The following NETO1 variants were observed in gnomAD, a reference collection of about 807,000 sequenced individuals.
The protein encoded by NETO1 is neuropilin and tolloid like 1.
In NETO1, 26 loss-of-function variants were observed where a neutral mutation model predicts 61.3. The observed-to-expected ratio is 0.42, with a 90% confidence interval of 0.31 to 0.59. The LOEUF (loss-of-function observed/expected upper bound fraction) is 0.59. Ranked by LOEUF, NETO1 falls within the 20% of genes least tolerant of loss-of-function variation. The pLI is 0.12. For missense variants in NETO1, 531 were observed against 662.8 expected, an observed-to-expected ratio of 0.80 and a Z score of 2.18; for synonymous variants, 225 against 225.8, an observed-to-expected ratio of 1.00 and a Z score of 0.03.
intron 4 of NETO1, among the ~76,000 whole-genome samples, chr18:72,844,087 G>A (rs4891489): frequency 0.39 from 59,249 of 151,906 alleles, 11,890 homozygotes; most frequent in South Asian, 0.44. Context: ...CTCTTGAAAC[G>A]TCTTTAAAAG....
chr18:72,765,263 G>C (rs1272469017), intron 7 of NETO1, among the ~76,000 whole-genome samples: 2 of 152,066 alleles, frequency 1.3e-5, no homozygotes, highest in Admixed American at 1.3e-4. Flanking sequence ...CACCCATGTT[G>C]GTTTTCCCAC....
chr18:72,750,837 C>T (rs1048484901), intron 8 of NETO1, among the ~76,000 whole-genome samples: 3 of 148,200 alleles, frequency 2.0e-5, no homozygotes, highest in East Asian at 4.0e-4. Flanking sequence ...TAAAAATAGC[C>T]CTCCCTCCCC....
At position 72,867,279 on chromosome 18, in the gene NETO1, G is replaced by T; in HGVS notation, c.13C>A (p.Arg5Ser). Residue 5 changes from arginine (R) to serine (S), a missense_variant, in exon 1 of 11, where the codon CGC (arginine) becomes AGC (serine). Coordinates refer to ENST00000327305, the MANE Select transcript of NETO1 (RefSeq NM_138966.5). ...GGGTACTCACTGTGAAGCACGCTGC[G>T]CCCATGGATCATGTCTGTGCGTTAC... MIHG[R>S]SVLHIVASLI... 1 of 1,571,164 alleles carries T rather than the reference G, an allele frequency of 6.4e-7. No individual in the cohort carries two copies. Among genetic ancestry groups the T allele is most frequent in the East Asian group, 2.4e-5 (1 of 41,156 alleles).
chr18:72,762,233 T>C (rs1470865323), intron 7 of NETO1, among the ~76,000 whole-genome samples: 1 of 151,802 alleles, frequency 6.6e-6, no homozygotes, highest in Non-Finnish European at 1.5e-5. Flanking sequence ...CGATCTCCAC[T>C]CACCGCGACC....
At chr18:72,820,335 G>A (rs2062314) in intron 4 of NETO1, among the ~76,000 whole-genome samples, 148,258 of 152,354 alleles carry the variant, frequency 0.97, 72,150 homozygotes, top group East Asian at 1. Context: ...GCAATTAAAC[G>A]AAGAGATTCA....
intron 4 of NETO1, among the ~76,000 whole-genome samples, chr18:72,844,748 G>A (rs2074034014): frequency 6.6e-6 from 1 of 152,206 alleles, no homozygotes; most frequent in South Asian, 2.1e-4. Flanking sequence ...GAAATTTAAA[G>A]ATGTAAACCG....
At chr18:72,866,493 TTCAGCA>T (rs1356696181) in intron 1 of NETO1, among the ~76,000 whole-genome samples, 11 of 152,068 alleles carry the variant, frequency 7.2e-5, no homozygotes, top group South Asian at 2.1e-4. Context: ...ATGCACATCC[TTCAGCA>T]TCAGGATGTG....
chr18:72,755,445 C>A (rs2070751555), intron 8 of NETO1, among the ~76,000 whole-genome samples: 1 of 152,014 alleles, frequency 6.6e-6, no homozygotes, highest in African/African-American at 2.4e-5. Context: ...TTCATCTTAA[C>A]TAAAACATGC....
At chr18:72,837,721 A>C (rs1271206624) in intron 4 of NETO1, among the ~76,000 whole-genome samples, 2 of 152,204 alleles carry the variant, frequency 1.3e-5, no homozygotes, top group Non-Finnish European at 2.9e-5. Context: ...TGCTCTGGCT[A>C]ATGTAGAATT....
chr18:72,862,964 A>T (rs1024887482), intron 3 of NETO1, among the ~76,000 whole-genome samples: 1 of 151,972 alleles, frequency 6.6e-6, no homozygotes, highest in South Asian at 2.1e-4. Flanking sequence ...GTACTCCATC[A>T]CTGATGCCGC....
rs188169914 is a variant in NETO1, at chr18:72,774,097, A to G, written c.868+9581T>C. The stretch of plus-strand genomic sequence containing the variant: ...TGGACAATTTGTTTTTTCCTCTTCT[A>G]TTTTATATGTCTGTTTTTAACAGAA... On this transcript the variant is annotated intron_variant, in intron 7 of 10. Transcript: ENST00000327305. Among the ~76,000 whole-genome samples, 861 of 152,226 alleles carry G rather than the reference A, an allele frequency of 5.7e-3. 7 individuals carry two copies. The highest frequency in any genetic ancestry group is 0.02 in the African/African-American group (828 of 41,538).
At chr18:72,779,389 C>T (rs72966356) in intron 7 of NETO1, among the ~76,000 whole-genome samples, 3,529 of 151,756 alleles carry the variant, frequency 0.023, 36 homozygotes, top group Non-Finnish European at 0.029. Flanking sequence ...TAACTATCAC[C>T]CTCTACAAGA....
chr18:72,803,019 G>A (rs1180506349), intron 4 of NETO1, among the ~76,000 whole-genome samples: 1 of 152,106 alleles, frequency 6.6e-6, no homozygotes, highest in African/African-American at 2.4e-5. Context: ...TTCTCATGGA[G>A]CATCATTTCT....
At chr18:72,778,514 A>G (rs2071632946) in intron 7 of NETO1, among the ~76,000 whole-genome samples, 1 of 152,154 alleles carries the variant, frequency 6.6e-6, no homozygotes, top group Non-Finnish European at 1.5e-5. Context: ...TTTTCTCAGC[A>G]AAATATCCAA....
intron 7 of NETO1, among the ~76,000 whole-genome samples, chr18:72,772,713 T>C (rs1468354647): frequency 6.7e-6 from 1 of 149,182 alleles, no homozygotes; most frequent in Non-Finnish European, 1.5e-5. Context: ...ATATATGATA[T>C]ACACGTGTGT....
At chr18:72,793,849 A>C (rs1057089914) in intron 6 of NETO1, among the ~76,000 whole-genome samples, 1 of 152,222 alleles carries the variant, frequency 6.6e-6, no homozygotes, top group African/African-American at 2.4e-5. Context: ...ATTTCAATCC[A>C]TGTTTCAGAG....
intron 4 of NETO1, among the ~76,000 whole-genome samples, chr18:72,826,713 G>A (rs1255936882): frequency 6.6e-6 from 1 of 152,130 alleles, no homozygotes; most frequent in Non-Finnish European, 1.5e-5. Flanking sequence ...AGTTGATTAG[G>A]AACACACAGG....
At chr18:72,817,578 T>G (rs1467111192) in intron 4 of NETO1, among the ~76,000 whole-genome samples, 1 of 152,206 alleles carries the variant, frequency 6.6e-6, no homozygotes, top group South Asian at 2.1e-4. Flanking sequence ...AACCTACATA[T>G]GGAGACAGAA....
intron 4 of NETO1, among the ~76,000 whole-genome samples, chr18:72,842,982 C>A (rs1431570925): frequency 6.6e-6 from 1 of 152,158 alleles, no homozygotes; most frequent in Non-Finnish European, 1.5e-5. Context: ...ATCACTGCCT[C>A]ATTATACCAT....
Sources: allele counts gnomAD v4.1 joint callset (sites outside exome capture counted in the v4.1 genomes callset), GRCh38; gene constraint gnomAD v4.1.1; transcripts MANE v1.5; gene names NCBI Gene and HGNC (gene_info 2026-07-23, HGNC 2026-07-21).